Variants in ARHGAP42 observed in about 807,000 individuals in gnomAD.
ARHGAP42 encodes the protein rho GTPase-activating protein 42.
A neutral mutation model predicts 125.0 loss-of-function variants in ARHGAP42; 63 were observed. The ratio of observed to expected loss-of-function variants is 0.50; its 90% confidence interval spans 0.41 to 0.62. ARHGAP42 has a LOEUF of 0.62. ARHGAP42 is among the 20% of genes least tolerant of loss of function. The pLI, the probability that ARHGAP42 is intolerant of heterozygous loss-of-function variation, is 0.00. For synonymous variants in ARHGAP42, 339 were observed against 351.0 expected (o/e 0.97, Z 0.38); for missense variants, 766 against 1,024.2 (o/e 0.75, Z 3.44).
chr11:100,974,379 A>G, intron 18 of ARHGAP42, 80 bp from the exon 19 acceptor site: 3 of 1,340,806 alleles, frequency 2.2e-6, no homozygotes, highest in Non-Finnish European at 3.0e-6. Flanking sequence ...ATTAAGTAGC[A>G]TATGGTTCAA....
At chr11:100,711,453 C>T (rs1861564698) in intron 1 of ARHGAP42, among the ~76,000 whole-genome samples, 1 of 152,210 alleles carries the variant, frequency 6.6e-6, no homozygotes, top group Non-Finnish European at 1.5e-5. Flanking sequence ...CTCCTAGGCT[C>T]AAGTGATCCT....
rs763302463 is a variant in ARHGAP42, at chr11:100,980,559, C to CTTTTTTTTTTTTT, written c.2456+1528_2456+1540dup. On this transcript the variant is annotated intron_variant, in intron 22 of 23. Coordinates refer to ENST00000298815, the MANE Select transcript of ARHGAP42 (RefSeq NM_152432.4). Reference sequence around the variant, plus strand: ...TCAAATCATACTTCTTTTTCTTCTTCTTTTTTTTTTTTTTTTTTTTTTTTT... The same window carrying CTTTTTTTTTTTTT: ...TCAAATCATACTTCTTTTTCTTCTTCTTTTTTTTTTTTTTTTTTTTTTTTTTTTTTTTTTTTTT... Among the ~76,000 whole-genome samples, 93 of 51,952 alleles carry CTTTTTTTTTTTTT rather than the reference C, an allele frequency of 1.8e-3. 4 individuals are homozygous for CTTTTTTTTTTTTT. The highest frequency in any genetic ancestry group is 2.6e-3 in the East Asian group (3 of 1,164). The allele number at this position is 51,952 out of a possible 152,430, so 34.1% of individuals were successfully genotyped here. A position where few individuals can be genotyped will look rare whatever the true frequency, so the allele number is the denominator to read the frequency against.
intron 1 of ARHGAP42, among the ~76,000 whole-genome samples, chr11:100,747,797 A>G (rs983884586): frequency 1.3e-5 from 2 of 150,866 alleles, no homozygotes; most frequent in African/African-American, 2.5e-5. Context: ...CTTTTAAATT[A>G]TACAACATTT....
At chr11:100,708,966 G>T (rs910057548) in intron 1 of ARHGAP42, among the ~76,000 whole-genome samples, 2 of 152,168 alleles carry the variant, frequency 1.3e-5, no homozygotes, top group Non-Finnish European at 2.9e-5. Context: ...AATATGATTT[G>T]TCTGTCTGTC....
At chr11:100,980,093 G>C (rs1858493310) in intron 22 of ARHGAP42, among the ~76,000 whole-genome samples, 1 of 152,060 alleles carries the variant, frequency 6.6e-6, no homozygotes, top group South Asian at 2.1e-4. Flanking sequence ...TCATGTATTA[G>C]GTTTTTTTAA....
In ARHGAP42 at chr11:100,770,409, A is replaced by C. The variant is rs1190216791; in HGVS notation, c.221A>C (p.Asp74Ala). 1 of 1,550,652 alleles carries C rather than the reference A, an allele frequency of 6.4e-7. No individual in the cohort carries two copies. Among genetic ancestry groups the C allele is most frequent in the Non-Finnish European group, 8.7e-7 (1 of 1,146,380 alleles). ...GATTTCCAGTTTGAATGTATTGGTG[A>C]TGCTGAAACAGATGATGAAATTAGT... ...LQDFQFECIG[D>A]AETDDEISIA... Residue 74 changes from aspartate (D) to alanine (A), a missense_variant, in exon 2 of 24, where the codon GAT (aspartate) becomes GCT (alanine). Physicochemically the swap from Asp to Ala is moderately radical, Grantham distance 126. Transcript: ENST00000298815.
chr11:100,765,251 A>C (rs1407787720), intron 1 of ARHGAP42, among the ~76,000 whole-genome samples: 3 of 152,198 alleles, frequency 2.0e-5, no homozygotes, highest in Non-Finnish European at 4.4e-5. Flanking sequence ...ACATCTTTCA[A>C]GTCCCTGTTC....
At chr11:100,823,564 C>T (rs571392347) in intron 3 of ARHGAP42, among the ~76,000 whole-genome samples, 31 of 152,184 alleles carry the variant, frequency 2.0e-4, no homozygotes, top group African/African-American at 7.5e-4. Flanking sequence ...GCTGGTAATT[C>T]CCTAGTGTCT....
intron 1 of ARHGAP42, among the ~76,000 whole-genome samples, chr11:100,750,936 C>CTTTTT (rs762255065): frequency 2.4e-5 from 3 of 126,832 alleles, no homozygotes; most frequent in African/African-American, 9.1e-5. Flanking sequence ...TTGATGTATA[C>CTTTTT]TTTTTTTTTT....
At chr11:100,914,457 C>CA (rs944860309) in intron 5 of ARHGAP42, among the ~76,000 whole-genome samples, 13 of 150,272 alleles carry the variant, frequency 8.7e-5, no homozygotes, top group Non-Finnish European at 1.3e-4. Flanking sequence ...AAAGTGTGTC[C>CA]AAAAAAAATA....
At chr11:100,794,590 G>T (rs914009846) in intron 2 of ARHGAP42, among the ~76,000 whole-genome samples, 1 of 152,132 alleles carries the variant, frequency 6.6e-6, no homozygotes, top group Admixed American at 6.5e-5. Flanking sequence ...AAGTAAAGTT[G>T]ATCCCTTCAG....
chr11:100,938,372 G>A (rs894544791), intron 8 of ARHGAP42, among the ~76,000 whole-genome samples: 2 of 151,960 alleles, frequency 1.3e-5, no homozygotes, highest in African/African-American at 4.8e-5. Context: ...TGGACCCTTA[G>A]CAGTGTCTGA....
intron 3 of ARHGAP42, among the ~76,000 whole-genome samples, chr11:100,844,129 C>G (rs1865008083): frequency 6.6e-6 from 1 of 152,040 alleles, no homozygotes; most frequent in South Asian, 2.1e-4. Context: ...GAAAAGAGAA[C>G]CCAGAAATAG....
intron 4 of ARHGAP42, among the ~76,000 whole-genome samples, chr11:100,912,665 C>G (rs955871661): frequency 6.6e-6 from 1 of 152,280 alleles, no homozygotes; most frequent in Middle Eastern, 3.4e-3. Context: ...GGAATGTCCT[C>G]TTCCCTTCAA....
chr11:100,933,325 A>C, intron 7 of ARHGAP42, 65 bp downstream of exon 7: 1 of 1,207,186 alleles, frequency 8.3e-7, no homozygotes. Context: ...CAGGGCAACT[A>C]ATTACAATTT....
intron 15 of ARHGAP42, 133 bp downstream of exon 15, chr11:100,961,901 T>TA (rs1857965519): frequency 1.6e-6 from 1 of 626,264 alleles, no homozygotes; most frequent in Non-Finnish European, 2.8e-6. Flanking sequence ...TAAGGTGAAA[T>TA]AGCATGACAT....
At chr11:100,760,569 C>T (rs1016541681) in intron 1 of ARHGAP42, among the ~76,000 whole-genome samples, 1 of 151,856 alleles carries the variant, frequency 6.6e-6, no homozygotes, top group Non-Finnish European at 1.5e-5. Context: ...GGTGTGGTGG[C>T]GGGCTCCTGT....
At chr11:100,920,938 G>A (rs1591296082) in intron 5 of ARHGAP42, among the ~76,000 whole-genome samples, 2 of 151,774 alleles carry the variant, frequency 1.3e-5, no homozygotes, top group East Asian at 3.9e-4. Flanking sequence ...TTGTTATGCA[G>A]CATCCAAGAT....
At chr11:100,789,815 A>G (rs577754858) in intron 2 of ARHGAP42, among the ~76,000 whole-genome samples, 34 of 152,284 alleles carry the variant, frequency 2.2e-4, no homozygotes, top group African/African-American at 6.5e-4. Context: ...ACATTATTGT[A>G]TATGTCACTG....
Sources: allele counts gnomAD v4.1 joint callset (sites outside exome capture counted in the v4.1 genomes callset), GRCh38; gene constraint gnomAD v4.1.1; transcripts MANE v1.5; gene names NCBI Gene and HGNC (gene_info 2026-07-23, HGNC 2026-07-21).